The following TMC1 variants were observed in gnomAD, a reference collection of about 807,000 sequenced individuals.
TMC1 encodes the protein transmembrane channel like 1.
In TMC1, 84 loss-of-function variants were observed where a neutral mutation model predicts 105.8. The observed-to-expected ratio is 0.79, with a 90% confidence interval of 0.67 to 0.95. The LOEUF is 0.95. Ranked by LOEUF, TMC1 falls within the 40% of genes least tolerant of loss-of-function variation. TMC1 has a pLI of 0.00. For synonymous variants in TMC1, 315 were observed against 311.5 expected, an observed-to-expected ratio of 1.01 and a Z score of -0.12; for missense variants, 817 against 914.1, an observed-to-expected ratio of 0.89 and a Z score of 1.37.
intron 8 of TMC1, among the ~76,000 whole-genome samples, chr9:72,710,121 A>G (rs952102998): frequency 9.2e-5 from 14 of 152,184 alleles, no homozygotes; most frequent in Admixed American, 9.2e-4. Context: ...ACAATCATTC[A>G]GGAGCATGTA....
At chr9:72,642,151 G>A (rs1347453254) in intron 4 of TMC1, among the ~76,000 whole-genome samples, 3 of 152,098 alleles carry the variant, frequency 2.0e-5, no homozygotes, top group Non-Finnish European at 4.4e-5. Flanking sequence ...AGGACTTCAC[G>A]AAGTAGATGA....
chr9:72,787,849 G>A (rs1297449535), intron 13 of TMC1, among the ~76,000 whole-genome samples: 2 of 152,090 alleles, frequency 1.3e-5, no homozygotes, highest in Non-Finnish European at 2.9e-5. Flanking sequence ...ATTCTAGGGG[G>A]AATTAAAATT....
At chr9:72,827,118 C>T in intron 21 of TMC1, 124 bp downstream of exon 21, 1 of 1,274,452 alleles carries the variant, frequency 7.8e-7, no homozygotes, top group Non-Finnish European at 1.1e-6. Flanking sequence ...CCAAATTCAA[C>T]ACTGATTACA....
At chr9:72,771,697 G>A (rs2118124358) in intron 12 of TMC1, among the ~76,000 whole-genome samples, 1 of 152,318 alleles carries the variant, frequency 6.6e-6, no homozygotes, top group South Asian at 2.1e-4. Flanking sequence ...TGAATGTGAG[G>A]AAGAGAAAAG....
chr9:72,631,763 T>A (rs1825455622), intron 4 of TMC1, among the ~76,000 whole-genome samples: 1 of 152,146 alleles, frequency 6.6e-6, no homozygotes, highest in Non-Finnish European at 1.5e-5. Context: ...TCTGAGCATG[T>A]GTGTCATTGT....
chr9:72,776,155 C>T (rs1588077903), intron 13 of TMC1, among the ~76,000 whole-genome samples: 1 of 151,974 alleles, frequency 6.6e-6, no homozygotes, highest in African/African-American at 2.4e-5. Flanking sequence ...AATGGACTAA[C>T]AAATATTCTT....
chr9:72,635,755 T>G (rs1374910805), intron 4 of TMC1, among the ~76,000 whole-genome samples: 1 of 152,104 alleles, frequency 6.6e-6, no homozygotes, highest in African/African-American at 2.4e-5. Context: ...GGATAACAAA[T>G]GGAGATTAGG....
intron 20 of TMC1, among the ~76,000 whole-genome samples, chr9:72,824,530 G>A (rs562487205): frequency 6.6e-6 from 1 of 152,200 alleles, no homozygotes; most frequent in Non-Finnish European, 1.5e-5. Flanking sequence ...GGCCAGGAAG[G>A]GCAGGTCATC....
chr9:72,563,859 A>G (rs894127270), intron 1 of TMC1, among the ~76,000 whole-genome samples: 1 of 127,530 alleles, frequency 7.8e-6, no homozygotes, highest in Admixed American at 9.5e-5. Context: ...AGATCAAGTT[A>G]TTGCATTCCA....
At chr9:72,735,543 A>G (rs1243159078) in intron 8 of TMC1, among the ~76,000 whole-genome samples, 1 of 152,182 alleles carries the variant, frequency 6.6e-6, no homozygotes, top group African/African-American at 2.4e-5. Flanking sequence ...TTATCTTCAT[A>G]TGAGATTTGT....
intron 1 of TMC1, among the ~76,000 whole-genome samples, chr9:72,555,745 C>T (rs559475865): frequency 5.9e-5 from 9 of 151,590 alleles, no homozygotes; most frequent in South Asian, 2.1e-4. Context: ...CTCAGCCTCC[C>T]GAGTAGCTGG....
intron 2 of TMC1, among the ~76,000 whole-genome samples, chr9:72,598,598 A>G (rs1824757834): frequency 1.3e-5 from 2 of 152,296 alleles, no homozygotes; most frequent in South Asian, 4.1e-4. Flanking sequence ...TACAATTACT[A>G]AATTCTCCAA....
rs12347452 is a variant in TMC1 at position 72,786,858 on chromosome 9, C to T, written c.885-1481C>T. Among the ~76,000 whole-genome samples, 166 of 152,286 alleles carry T rather than the reference C, an allele frequency of 1.1e-3. 4 individuals carry two copies. The highest frequency in any genetic ancestry group is 3.8e-3 in the African/African-American group (157 of 41,574). On this transcript the variant is annotated intron_variant, in intron 13 of 23. Coordinates refer to ENST00000297784, the MANE Select transcript of TMC1 (RefSeq NM_138691.3). ...GCTCAAAACTTTGCCAGTGATAAAA[C>T]TCCATTCAAAACTTATCTGCCAAGT... is the stretch of plus-strand genomic sequence containing the variant.
chr9:72,704,085 A>G (rs550419689), intron 8 of TMC1, among the ~76,000 whole-genome samples: 1 of 152,230 alleles, frequency 6.6e-6, no homozygotes, highest in East Asian at 1.9e-4. Context: ...AATGCCACCA[A>G]TGCTTGGGAG....
At chr9:72,581,302 C>T (rs1270661504) in intron 2 of TMC1, among the ~76,000 whole-genome samples, 1 of 152,136 alleles carries the variant, frequency 6.6e-6, no homozygotes, top group Admixed American at 6.5e-5. Flanking sequence ...TGTTTACCTT[C>T]CCAGGTTGTT....
intron 2 of TMC1, among the ~76,000 whole-genome samples, chr9:72,602,629 C>A (rs1299070175): frequency 2.0e-5 from 3 of 152,160 alleles, no homozygotes; most frequent in African/African-American, 7.2e-5. Flanking sequence ...TCCGCCTCGG[C>A]CTCCCAAAAT....
intron 5 of TMC1, among the ~76,000 whole-genome samples, chr9:72,679,634 TCCA>T (rs1239369797): frequency 1.3e-5 from 2 of 152,116 alleles, no homozygotes; most frequent in Admixed American, 6.6e-5. Flanking sequence ...TAGACAGCCA[TCCA>T]TTTGCTGTGT....
chr9:72,641,436 A>T (rs1825625204), intron 4 of TMC1, among the ~76,000 whole-genome samples: 1 of 152,218 alleles, frequency 6.6e-6, no homozygotes, highest in African/African-American at 2.4e-5. Flanking sequence ...GCACTGTGTC[A>T]AAAACAGTCC....
intron 12 of TMC1, among the ~76,000 whole-genome samples, chr9:72,763,136 A>G (rs1588071382): frequency 8.0e-6 from 1 of 124,694 alleles, no homozygotes; most frequent in Non-Finnish European, 1.6e-5. Context: ...AGTTTTCATC[A>G]CCTCCCTCAG....
Sources: allele counts gnomAD v4.1 joint callset (sites outside exome capture counted in the v4.1 genomes callset), GRCh38; gene constraint gnomAD v4.1.1; transcripts MANE v1.5; gene names NCBI Gene and HGNC (gene_info 2026-07-23, HGNC 2026-07-21).